Variants in PDE1A observed in about 807,000 individuals in gnomAD.
PDE1A encodes dual specificity calcium/calmodulin-dependent 3',5'-cyclic nucleotide phosphodiesterase 1A.
In PDE1A, 35 loss-of-function variants were observed where a neutral mutation model predicts 61.7. The observed-to-expected ratio is 0.57, with a 90% CI of 0.43 to 0.75. The LOEUF (loss-of-function observed/expected upper bound fraction) is 0.75. PDE1A is among the 30% of genes least tolerant of loss of function. PDE1A has a pLI of 0.00. For missense variants in PDE1A, 597 were observed against 630.6 expected (o/e 0.95, Z 0.57); for synonymous variants, 232 against 213.2 (o/e 1.09, Z -0.77).
chr2:182,314,849 T>G (rs1696234548), intron 1 of PDE1A, among the ~76,000 whole-genome samples: 1 of 152,150 alleles, frequency 6.6e-6, no homozygotes. Context: ...TAATTATGCC[T>G]CAATAAAACC....
intron 2 of PDE1A, among the ~76,000 whole-genome samples, chr2:182,258,975 A>C (rs1202397974): frequency 1.3e-5 from 2 of 152,086 alleles, no homozygotes. Context: ...CTGCCTGCAC[A>C]ATTTTGCTCC....
At chr2:182,304,689 CGGGAATGGCT>C (rs1297323678) in intron 1 of PDE1A, among the ~76,000 whole-genome samples, 5 of 152,204 alleles carry the variant, frequency 3.3e-5, no homozygotes, top group African/African-American at 9.6e-5. Context: ...GAGAAAGACA[CGGGAATGGCT>C]GGTTGGTGGA....
intron 1 of PDE1A, among the ~76,000 whole-genome samples, chr2:182,396,774 G>T (rs773744689): frequency 1.3e-5 from 2 of 152,072 alleles, no homozygotes; most frequent in African/African-American, 4.8e-5. Flanking sequence ...CCTTATTATT[G>T]TCTTTATTTG....
At chr2:182,516,820 GGGAAGGAAGGAAGGGA>G (rs1690215720) in intron 2 of PDE1A, among the ~76,000 whole-genome samples, 1 of 80,980 alleles carries the variant, frequency 1.2e-5, no homozygotes, top group South Asian at 6.6e-4. Context: ...AGGAAAGGAA[GGGAAGGAAGGAAGGGA>G]GGGAGGGAGG....
At chr2:182,683,063 C>T in the PDE1A span, among the ~76,000 whole-genome samples, 1 of 151,056 alleles carries the variant, frequency 6.6e-6, no homozygotes, top group Non-Finnish European at 1.5e-5. Context: ...ATATGAATTG[C>T]ATTGGAACAA....
chr2:182,288,231 C>T (rs1694294860), intron 1 of PDE1A, among the ~76,000 whole-genome samples: 1 of 152,010 alleles, frequency 6.6e-6, no homozygotes, highest in Admixed American at 6.6e-5. Flanking sequence ...AGTCACTATC[C>T]ATGCTTACTT....
intron 1 of PDE1A, among the ~76,000 whole-genome samples, chr2:182,422,256 A>T (rs888545579): frequency 6.6e-6 from 1 of 152,250 alleles, no homozygotes; most frequent in Non-Finnish European, 1.5e-5. Flanking sequence ...ACCATGAAAG[A>T]GCTTCAAAAA....
chr2:182,323,701 A>G (rs892071627), intron 1 of PDE1A, among the ~76,000 whole-genome samples: 7 of 152,284 alleles, frequency 4.6e-5, no homozygotes, highest in Admixed American at 4.6e-4. Context: ...GGCTATCGTC[A>G]ATGAATAGGG....
chr2:182,183,309 T>C (rs1684922947), intron 13 of PDE1A, among the ~76,000 whole-genome samples: 1 of 152,202 alleles, frequency 6.6e-6, no homozygotes, highest in African/African-American at 2.4e-5. Flanking sequence ...CAAAGGGACA[T>C]AATAATTTGA....
Position 182,473,632 on chromosome 2 carries a change from C to T in PDE1A, c.101+48644G>A, listed in dbSNP as rs1687174350. 2.6e-5 allele frequency among the ~76,000 whole-genome samples: 4 copies of T among 151,790 alleles called. No homozygotes were observed. In the South Asian group the frequency reaches 6.2e-4, roughly 24 times the overall value. ...CATTAGTTATTTTTCCTGATCCTCACCCTCCTCCTACCTTCCACCCTCTGA... is the reference window on the plus strand; with the variant it reads ...CATTAGTTATTTTTCCTGATCCTCATCCTCCTCCTACCTTCCACCCTCTGA... On this transcript the variant is annotated intron_variant, in intron 2 of 14. Coordinates refer to the PDE1A transcript ENST00000410103.
chr2:182,330,093 C>T (rs1242650704), intron 1 of PDE1A, among the ~76,000 whole-genome samples: 1 of 152,004 alleles, frequency 6.6e-6, no homozygotes, highest in African/African-American at 2.4e-5. Flanking sequence ...TCTGTAATCC[C>T]ACCACTTTGG....
chr2:182,657,319 G>A, the PDE1A span, among the ~76,000 whole-genome samples: 1 of 152,160 alleles, frequency 6.6e-6, no homozygotes, highest in African/African-American at 2.4e-5. Context: ...TAATGTGTCA[G>A]ACATACATTT....
At chr2:182,385,664 A>AAGAAAGAAGAG in intron 1 of PDE1A, among the ~76,000 whole-genome samples, 1 of 141,194 alleles carries the variant, frequency 7.1e-6, no homozygotes, top group African/African-American at 2.5e-5. Flanking sequence ...AGAAAGAAGA[A>AAGAAAGAAGAG]AAAAAGAAAG....
At chr2:182,187,737 CTTTTTTTTTTTTTTTT>C in intron 11 of PDE1A, among the ~76,000 whole-genome samples, 1 of 66,380 alleles carries the variant, frequency 1.5e-5, no homozygotes, top group Admixed American at 2.3e-4. Flanking sequence ...TTTTTTTGTT[CTTTTTTTTTTTTTTTT>C]TTTTTTTTTG....
chr2:182,548,230 T>G, the PDE1A span, among the ~76,000 whole-genome samples: 7 of 152,308 alleles, frequency 4.6e-5, no homozygotes, highest in South Asian at 1.4e-3. Context: ...GTGCTCCAGA[T>G]TCAGCTGTTA....
intron 1 of PDE1A, among the ~76,000 whole-genome samples, chr2:182,316,133 C>T (rs1358384690): frequency 1.3e-5 from 2 of 152,146 alleles, no homozygotes; most frequent in Non-Finnish European, 2.9e-5. Flanking sequence ...TGAAGATGTA[C>T]TGCACAGGTT....
chr2:182,504,890 A>T (rs1227361637), intron 2 of PDE1A, among the ~76,000 whole-genome samples: 1 of 152,254 alleles, frequency 6.6e-6, no homozygotes, highest in African/African-American at 2.4e-5. Flanking sequence ...TTGTTCAATT[A>T]CATTGGAAAA....
At chr2:182,712,568 T>G in the PDE1A span, among the ~76,000 whole-genome samples, 1 of 152,310 alleles carries the variant, frequency 6.6e-6, no homozygotes, top group African/African-American at 2.4e-5. Flanking sequence ...TTTTTTTCTT[T>G]TTTTTTGAGA....
the PDE1A span, among the ~76,000 whole-genome samples, chr2:182,606,425 G>A: frequency 6.6e-6 from 1 of 152,080 alleles, no homozygotes; most frequent in Admixed American, 6.5e-5. Flanking sequence ...TAATCCACCC[G>A]CCCTGGCCTC....
Sources: allele counts gnomAD v4.1 joint callset (sites outside exome capture counted in the v4.1 genomes callset), GRCh38; gene constraint gnomAD v4.1.1; transcripts MANE v1.5; gene names NCBI Gene and HGNC (gene_info 2026-07-23, HGNC 2026-07-21).